The following CNTNAP2 variants were observed in gnomAD, a reference collection of about 807,000 sequenced individuals.
The protein encoded by CNTNAP2 is contactin-associated protein-like 2.
A neutral mutation model predicts 155.2 loss-of-function variants in CNTNAP2; 98 were observed. That is an observed-to-expected ratio of 0.63 (90% CI 0.54 to 0.75). CNTNAP2 has a LOEUF of 0.75. CNTNAP2 is among the 30% of genes least tolerant of loss of function. The probability of loss-of-function intolerance (pLI) is 0.00; values close to 1 mark genes in which losing one functional copy is unlikely to be tolerated. For missense variants in CNTNAP2, 1,727 were observed against 1,688.1 expected, an observed-to-expected ratio of 1.02 and a Z score of -0.40; for synonymous variants, 651 against 631.2, an observed-to-expected ratio of 1.03 and a Z score of -0.47.
intron 1 of CNTNAP2, among the ~76,000 whole-genome samples, chr7:146,558,919 G>A (rs9640229): frequency 0.79 from 119,900 of 152,168 alleles, 47,812 homozygotes; most frequent in South Asian, 0.91. Flanking sequence ...TTGCCTGAGT[G>A]TGGGATTTTG....
intron 21 of CNTNAP2, among the ~76,000 whole-genome samples, chr7:148,331,803 T>TGGATGGAAC (rs1563046286): frequency 4.0e-5 from 6 of 151,834 alleles, no homozygotes; most frequent in Non-Finnish European, 7.4e-5. Flanking sequence ...ATGGATAGAA[T>TGGATGGAAC]GGCCTCCTCT....
intron 9 of CNTNAP2, among the ~76,000 whole-genome samples, chr7:147,339,694 A>T (rs1405754878): frequency 6.6e-6 from 1 of 151,792 alleles, no homozygotes; most frequent in Admixed American, 6.6e-5. Flanking sequence ...CAAAGCAAGA[A>T]TTTTTTTTCC....
intron 21 of CNTNAP2, among the ~76,000 whole-genome samples, chr7:148,360,324 T>C (rs908924550): frequency 4.6e-5 from 7 of 152,020 alleles, no homozygotes; most frequent in African/African-American, 1.7e-4. Context: ...TACCAAGCAA[T>C]TGAGTGGTGA....
At chr7:146,853,705 TATC>T (rs1371107267) in intron 3 of CNTNAP2, among the ~76,000 whole-genome samples, 3 of 152,136 alleles carry the variant, frequency 2.0e-5, no homozygotes, top group African/African-American at 7.2e-5. Context: ...TTTAAGAAGA[TATC>T]ATAGTTTTTG....
At chr7:146,929,907 C>T (rs577892557) in intron 3 of CNTNAP2, among the ~76,000 whole-genome samples, 34 of 152,116 alleles carry the variant, frequency 2.2e-4, no homozygotes, top group East Asian at 1.6e-3. Flanking sequence ...TAAAAAGAAA[C>T]GAACAAAGCC....
chr7:146,605,920 T>A (rs926255219), intron 1 of CNTNAP2, among the ~76,000 whole-genome samples: 5 of 152,168 alleles, frequency 3.3e-5, no homozygotes, highest in African/African-American at 1.2e-4. Context: ...TCAACATTTA[T>A]CATGTTGAGA....
chr7:146,907,957 T>A (rs1347389871), intron 3 of CNTNAP2, among the ~76,000 whole-genome samples: 2 of 152,014 alleles, frequency 1.3e-5, no homozygotes, highest in Non-Finnish European at 2.9e-5. Context: ...TGGAGGAAGA[T>A]CTACCAAGCA....
intron 12 of CNTNAP2, among the ~76,000 whole-genome samples, chr7:147,634,022 C>A (rs1320004088): frequency 6.6e-6 from 1 of 152,128 alleles, no homozygotes; most frequent in Non-Finnish European, 1.5e-5. Context: ...TAAGCTAGTA[C>A]AAGCACTATG....
At chr7:146,428,075 T>C (rs1228374935) in intron 1 of CNTNAP2, among the ~76,000 whole-genome samples, 1 of 152,228 alleles carries the variant, frequency 6.6e-6, no homozygotes, top group Non-Finnish European at 1.5e-5. Flanking sequence ...CATAGTCTCG[T>C]TCCTTGTTAT....
At chr7:148,059,222 A>T (rs574697771) in intron 15 of CNTNAP2, among the ~76,000 whole-genome samples, 3 of 152,268 alleles carry the variant, frequency 2.0e-5, no homozygotes, top group African/African-American at 7.2e-5. Flanking sequence ...CAAGACGTGG[A>T]GGTTGCAGTA....
chr7:146,799,526 T>C (rs1227583120), intron 2 of CNTNAP2, among the ~76,000 whole-genome samples: 1 of 152,218 alleles, frequency 6.6e-6, no homozygotes, highest in African/African-American at 2.4e-5. Flanking sequence ...GTTTTATATA[T>C]GACTTACATG....
At chr7:146,818,891 C>G (rs528031530) in intron 2 of CNTNAP2, among the ~76,000 whole-genome samples, 2 of 151,974 alleles carry the variant, frequency 1.3e-5, no homozygotes, top group South Asian at 4.2e-4. Context: ...AACATCACTA[C>G]TTAACATTTA....
Position 146,243,026 on chromosome 7 carries a change from T to A in CNTNAP2, c.97+126053T>A, listed in dbSNP as rs546565484. On this transcript the variant is annotated intron_variant, in intron 1 of 23. Transcript: ENST00000361727. ...CTGTTTTTAGACATATGGATGTTTC[T>A]ATTTTTGAAATTCTTTCTTGTTTTT... 4.6e-5 allele frequency among the ~76,000 whole-genome samples: 7 copies of A among 151,922 alleles called. No homozygotes were observed. The South Asian group carries it at 1.5e-3, about 31-fold the overall frequency.
intron 5 of CNTNAP2, among the ~76,000 whole-genome samples, chr7:147,112,830 T>C (rs753949973): frequency 2.0e-5 from 3 of 148,306 alleles, no homozygotes; most frequent in Non-Finnish European, 3.0e-5. Context: ...CCCGAAGTTT[T>C]GTTGTTGTTG....
At chr7:146,205,738 A>G (rs74746955) in intron 1 of CNTNAP2, among the ~76,000 whole-genome samples, 1,906 of 152,064 alleles carry the variant, frequency 0.013, 26 homozygotes, top group Non-Finnish European at 0.02. Flanking sequence ...TGTAATTATT[A>G]AAAGTCTAAC....
intron 13 of CNTNAP2, among the ~76,000 whole-genome samples, chr7:147,731,547 A>C (rs1796739381): frequency 6.6e-6 from 1 of 152,064 alleles, no homozygotes; most frequent in Non-Finnish European, 1.5e-5. Context: ...GCACCTCATC[A>C]CCCAAGAGCT....
chr7:148,352,117 T>C (rs1475229525), intron 21 of CNTNAP2, among the ~76,000 whole-genome samples: 1 of 152,184 alleles, frequency 6.6e-6, no homozygotes, highest in East Asian at 1.9e-4. Flanking sequence ...TAGATCATGA[T>C]AGGATATTGC....
intron 1 of CNTNAP2, among the ~76,000 whole-genome samples, chr7:146,354,690 C>A (rs375126689): frequency 6.6e-6 from 1 of 152,084 alleles, no homozygotes; most frequent in Non-Finnish European, 1.5e-5. Context: ...GCTAGGATTA[C>A]GGAAGTGAGC....
intron 1 of CNTNAP2, among the ~76,000 whole-genome samples, chr7:146,443,631 A>G (rs1796359816): frequency 6.6e-6 from 1 of 152,252 alleles, no homozygotes; most frequent in Non-Finnish European, 1.5e-5. Flanking sequence ...AACAAAGGCT[A>G]TTTGGAAAAT....
Sources: allele counts gnomAD v4.1 joint callset (sites outside exome capture counted in the v4.1 genomes callset), GRCh38; gene constraint gnomAD v4.1.1; transcripts MANE v1.5; gene names NCBI Gene and HGNC (gene_info 2026-07-23, HGNC 2026-07-21).